Variants in KIAA0930 observed in about 807,000 individuals in gnomAD.
KIAA0930 encodes the protein KIAA0930.
In KIAA0930, 24 loss-of-function variants were observed where a neutral mutation model predicts 43.9. The observed-to-expected ratio is 0.55, with a 90% CI of 0.40 to 0.77. KIAA0930 has a LOEUF of 0.77. Ranked by LOEUF, KIAA0930 falls within the 30% of genes least tolerant of loss-of-function variation. The pLI is 0.00. For missense variants in KIAA0930, 461 were observed against 574.2 expected (o/e 0.80, Z 2.02); for synonymous variants, 259 against 216.4 (o/e 1.20, Z -1.73).
At chr22:45,217,317 C>A (rs192504778) in intron 1 of KIAA0930, among the ~76,000 whole-genome samples, 1 of 130,510 alleles carries the variant, frequency 7.7e-6, no homozygotes, top group African/African-American at 3.0e-5. Context: ...GCTAAAATCA[C>A]GCCACTGCAC....
intron 1 of KIAA0930, among the ~76,000 whole-genome samples, 157 bp downstream of exon 1, chr22:45,240,483 G>T (rs989065183): frequency 5.3e-5 from 8 of 151,998 alleles, no homozygotes; most frequent in Non-Finnish European, 4.4e-5. Flanking sequence ...GTGGGGGGGG[G>T]GCCATGGAGG....
intron 1 of KIAA0930, among the ~76,000 whole-genome samples, chr22:45,213,046 T>C (rs774105722): frequency 4.6e-5 from 7 of 152,196 alleles, no homozygotes; most frequent in Admixed American, 1.3e-4. Context: ...CTAGTGCTGG[T>C]ACTCGGGCTG....
At chr22:45,224,110 A>C (rs942872964) in intron 1 of KIAA0930, among the ~76,000 whole-genome samples, 2 of 152,228 alleles carry the variant, frequency 1.3e-5, no homozygotes, top group African/African-American at 4.8e-5. Context: ...AGTAACCAAA[A>C]TATTTCTAAC....
In KIAA0930 at chr22:45,212,085, G is replaced by T. The variant is rs779554245; in HGVS notation, c.87C>A (p.Ile29=). The T allele has an allele frequency of 1.2e-6, 2 of 1,613,888 alleles. No homozygotes were observed. The highest frequency in any genetic ancestry group is 8.5e-7 in the Non-Finnish European group (1 of 1,180,008). ...TGGAGAACATCCAAGTCCAGAAGAC[G>T]ATGCGGTCATCCTTGAAGCACCCTG... ...CGLGCFKDDR[I]VFWTWMFSTY... The change falls in exon 2 of 10, where the codon ATC becomes ATA. Residue 29 remains isoleucine (I), a synonymous_variant. Coordinates refer to ENST00000336156, the MANE Select transcript of KIAA0930 (RefSeq NM_001009880.2).
chr22:45,226,234 C>T (rs1478389024), intron 1 of KIAA0930: 1 of 470,840 alleles, frequency 2.1e-6, no homozygotes, highest in Non-Finnish European at 4.4e-6. Context: ...AGTGCTTTCA[C>T]AATCCCCAGG....
chr22:45,212,043 T>C lies in KIAA0930; in HGVS notation c.129A>G (p.Lys43=). The C allele has an allele frequency of 1.9e-6, 3 of 1,613,890 alleles. No individual in the cohort carries two copies. Among genetic ancestry groups the C allele is most frequent in the Non-Finnish European group, 1.7e-6 (2 of 1,179,992 alleles). Residue 43 remains lysine (K), a synonymous_variant, in exon 2 of 10, where the codon AAA becomes AAG. Coordinates refer to ENST00000336156, the MANE Select transcript of KIAA0930 (RefSeq NM_001009880.2). The part of the protein sequence containing the change: ...TWMFSTYFME[K]WAPRQDDMLF... ...GCATGTCGTCCTGCCGGGGAGCCCA[T>C]TTCTCCATGAAGTAGGTGGAGAACA...
At chr22:45,230,580 C>CTTTT (rs796595254) in intron 1 of KIAA0930, among the ~76,000 whole-genome samples, 1 of 128,670 alleles carries the variant, frequency 7.8e-6, no homozygotes, top group African/African-American at 2.9e-5. Context: ...AGATCACATT[C>CTTTT]TTTTTTTTTT....
chr22:45,234,228 C>T (rs568254697), intron 1 of KIAA0930, among the ~76,000 whole-genome samples: 6 of 152,222 alleles, frequency 3.9e-5, no homozygotes, highest in Admixed American at 3.3e-4. Context: ...GTGTGGGTGC[C>T]GTTGGGGAGC....
chr22:45,212,230 T>A, intron 1 of KIAA0930, 123 bp from the exon 2 acceptor site: 1 of 1,612,574 alleles, frequency 6.2e-7, no homozygotes, highest in Non-Finnish European at 8.5e-7. Flanking sequence ...GGCTCTGAGA[T>A]GCGCCACCCT....
chr22:45,234,152 C>T (rs543349490), intron 1 of KIAA0930, among the ~76,000 whole-genome samples: 362 of 152,322 alleles, frequency 2.4e-3, no homozygotes, highest in Non-Finnish European at 4.5e-3. Context: ...TCTCTGTTGT[C>T]TCTGAGGCCC....
intron 6 of KIAA0930, among the ~76,000 whole-genome samples, 199 bp downstream of exon 6, chr22:45,203,646 T>C (rs980403007): frequency 9.9e-5 from 15 of 152,264 alleles, no homozygotes; most frequent in Admixed American, 3.9e-4. Context: ...GTGGCCCGCA[T>C]GGGCTGAGGC....
intron 1 of KIAA0930, chr22:45,213,376 GAGA>G (rs1467655959): frequency 7.7e-7 from 1 of 1,303,288 alleles, no homozygotes; most frequent in Non-Finnish European, 1.0e-6. Context: ...GGGAGGAAAA[GAGA>G]AGGAGGCTTC....
chr22:45,234,319 G>C lies in KIAA0930; in HGVS notation c.64+6321C>G, dbSNP rs555992277. Among the ~76,000 whole-genome samples, 379 of 145,514 alleles carry C rather than the reference G, an allele frequency of 2.6e-3. 3 individuals carry two copies. The highest frequency in any genetic ancestry group is 9.0e-3 in the African/African-American group (367 of 40,878). ...AAGAGGGGGCCTCTGCTTCCTGCTC[G>C]GGGAAGACAAGCCTGAAACGCCAGG... is the stretch of plus-strand genomic sequence containing the variant. On this transcript the variant is annotated intron_variant, in intron 1 of 9. Transcript: ENST00000336156.
At position 45,225,892 on chromosome 22, in the gene KIAA0930, C is replaced by G. The variant is rs183074757; in HGVS notation, c.65-13785G>C. ...GATGAGGAACTTGGGGCTCAAGGCC[C>G]GAGCGCCTGGTCTGCAGTCAGGCCT... On this transcript the variant is annotated intron_variant, in intron 1 of 9. Transcript: ENST00000336156. 7.9e-5 allele frequency among the ~76,000 whole-genome samples: 12 copies of G among 152,340 alleles called. No individual in the cohort carries two copies. The East Asian group carries it at 2.3e-3, about 29-fold the overall frequency.
At chr22:45,240,600 CACCTCTCCCGGCCCG>C in intron 1 of KIAA0930, 25 bp downstream of exon 1, 1 of 1,436,704 alleles carries the variant, frequency 7.0e-7, no homozygotes, top group Non-Finnish European at 9.4e-7. Flanking sequence ...CGGAGACGCT[CACCTCTCCCGGCCCG>C]GCCTCGCCCC....
Position 45,205,920 on chromosome 22 carries a change from G to T in KIAA0930, c.217-8C>A. The stretch of plus-strand genomic sequence containing the variant: ...CACCTCAGGCTCAGCTGCCTGCGAG[G>T]CCCAGAGCAGAAGTGAGTGCCCAGG... On this transcript the variant is annotated splice_polypyrimidine_tract_variant and splice_region_variant and intron_variant, in intron 2 of 9. Coordinates refer to ENST00000336156, the MANE Select transcript of KIAA0930 (RefSeq NM_001009880.2). 6.2e-7 allele frequency: 1 copy of T among 1,612,160 alleles called. No individual in the cohort carries two copies. Among genetic ancestry groups the T allele is most frequent in the Non-Finnish European group, 8.5e-7 (1 of 1,179,900 alleles).
rs187170588 is a variant in KIAA0930 at position 45,214,542 on chromosome 22, G to C, written c.65-2435C>G. On this transcript the variant is annotated intron_variant, in intron 1 of 9. Transcript: ENST00000336156. ...GCGGAATCGTAGTGACTTAAAGCAG[G>C]AGGGTGGTTGCCCTGAAAGGTTCTA... 4.6e-5 allele frequency among the ~76,000 whole-genome samples: 7 copies of C among 152,348 alleles called. 1 individual carries two copies. The East Asian group carries it at 1.3e-3, about 29-fold the overall frequency.
chr22:45,226,874 G>C (rs1340594433), intron 1 of KIAA0930: 2 of 154,492 alleles, frequency 1.3e-5, no homozygotes, highest in African/African-American at 4.8e-5. Flanking sequence ...CCACTGCCCA[G>C]TCATCATTCC....
intron 1 of KIAA0930, among the ~76,000 whole-genome samples, chr22:45,225,598 C>A (rs2083794299): frequency 6.6e-6 from 1 of 152,188 alleles, no homozygotes; most frequent in South Asian, 2.1e-4. Context: ...CTCACCAGGT[C>A]TCGACCACAC....
Sources: gnomAD v4.1 joint callset for allele counts (sites outside exome capture counted in the v4.1 genomes callset) on GRCh38, gnomAD v4.1.1 for gene constraint, MANE v1.5 for transcripts, NCBI Gene and HGNC (gene_info 2026-07-23, HGNC 2026-07-21) for gene names.